VAV2: variants seen among roughly 807,000 people sequenced by gnomAD.
VAV2 encodes the protein vav guanine nucleotide exchange factor 2.
VAV2 carries 67 observed loss-of-function variants against 132.5 expected under a neutral mutation model. That is an observed-to-expected ratio of 0.51 (90% CI 0.42 to 0.62). The LOEUF is 0.62. Ranked by LOEUF, VAV2 falls within the 20% of genes least tolerant of loss-of-function variation. The pLI, the probability that VAV2 is intolerant of heterozygous loss-of-function variation, is 0.00. For missense variants in VAV2, 938 were observed against 1,153.6 expected, an observed-to-expected ratio of 0.81 and a Z score of 2.71; for synonymous variants, 492 against 443.5, an observed-to-expected ratio of 1.11 and a Z score of -1.37.
chr9:133,971,219 G>A (rs905949134), intron 1 of VAV2, among the ~76,000 whole-genome samples: 1 of 152,194 alleles, frequency 6.6e-6, no homozygotes, highest in Admixed American at 6.5e-5. Context: ...AACTGCTGCT[G>A]TGAGGCCTGT....
chr9:133,904,786 C>T (rs879682464), intron 2 of VAV2, among the ~76,000 whole-genome samples: 1 of 152,372 alleles, frequency 6.6e-6, no homozygotes, highest in East Asian at 1.9e-4. Context: ...GCTCACCTCC[C>T]CAAGAAGGCC....
intron 3 of VAV2, among the ~76,000 whole-genome samples, chr9:133,851,753 T>C (rs1588268410): frequency 1.1e-5 from 1 of 94,214 alleles, no homozygotes; most frequent in Admixed American, 8.7e-5. Context: ...GATGGGTATA[T>C]TGGGTGGATG....
intron 25 of VAV2, among the ~76,000 whole-genome samples, chr9:133,772,891 C>T (rs1208837812): frequency 6.7e-6 from 1 of 150,284 alleles, no homozygotes; most frequent in Non-Finnish European, 1.5e-5. Context: ...GCCTACTGCA[C>T]ACCCCACATG....
At chr9:133,818,494 C>A (rs555454923) in intron 4 of VAV2, among the ~76,000 whole-genome samples, 2 of 152,314 alleles carry the variant, frequency 1.3e-5, no homozygotes, top group East Asian at 3.9e-4. Flanking sequence ...CACACCAGCA[C>A]CTGCCCATCC....
At chr9:133,848,228 C>A (rs531116522) in intron 3 of VAV2, among the ~76,000 whole-genome samples, 3 of 139,956 alleles carry the variant, frequency 2.1e-5, no homozygotes, top group African/African-American at 7.9e-5. Context: ...TGCAGTGAGC[C>A]GAGATCGCGC....
intron 1 of VAV2, among the ~76,000 whole-genome samples, chr9:133,954,383 C>T (rs540682446): frequency 3.9e-5 from 6 of 152,246 alleles, no homozygotes; most frequent in South Asian, 2.1e-4. Flanking sequence ...AGCAAGTGCG[C>T]GTGAGACGCC....
intron 1 of VAV2, among the ~76,000 whole-genome samples, chr9:133,984,685 G>T (rs1842796094): frequency 6.6e-6 from 1 of 152,006 alleles, no homozygotes; most frequent in Non-Finnish European, 1.5e-5. Flanking sequence ...GAGCAGTAAT[G>T]CCCCTGTTGA....
intron 9 of VAV2, among the ~76,000 whole-genome samples, chr9:133,800,160 C>T (rs944508648): frequency 6.6e-6 from 1 of 152,218 alleles, no homozygotes; most frequent in African/African-American, 2.4e-5. Context: ...TAGGGCTGCA[C>T]TGCTCTGCCT....
chr9:133,983,131 C>T (rs573198720), intron 1 of VAV2, among the ~76,000 whole-genome samples: 16 of 152,326 alleles, frequency 1.1e-4, no homozygotes, highest in Admixed American at 5.2e-4. Flanking sequence ...CGGGTCTGGG[C>T]ATCTGCATAA....
chr9:133,827,197 CTGAGCAT>C lies in VAV2; in HGVS notation c.449+7068_449+7074del, dbSNP rs1343157495. ...CCGCTGCGCCCACTGGGGCTGACCA[CTGAGCAT>C]GGGCATCGCCAGCTACTGCTGTGCC... On this transcript the variant is annotated intron_variant, in intron 4 of 29. Coordinates refer to ENST00000371850, the MANE Select transcript of VAV2 (RefSeq NM_001134398.2). Among the ~76,000 whole-genome samples the C allele has an allele frequency of 4.2e-3, 624 of 149,832 alleles. 5 individuals are homozygous for C. Among genetic ancestry groups the C allele is most frequent in the Middle Eastern group, 7.0e-3 (2 of 286 alleles).
At chr9:133,973,322 C>T (rs1334001107) in intron 1 of VAV2, among the ~76,000 whole-genome samples, 4 of 152,178 alleles carry the variant, frequency 2.6e-5, no homozygotes, top group African/African-American at 7.2e-5. Context: ...CCGCGAAACT[C>T]GGAGTTCAGA....
intron 3 of VAV2, among the ~76,000 whole-genome samples, chr9:133,836,752 A>C (rs1836487609): frequency 6.6e-6 from 1 of 152,214 alleles, no homozygotes; most frequent in South Asian, 2.1e-4. Context: ...CGGGGACTGT[A>C]CTTCTAGAAC....
chr9:133,932,529 G>A (rs941304155), intron 2 of VAV2, among the ~76,000 whole-genome samples: 36 of 152,214 alleles, frequency 2.4e-4, no homozygotes, highest in African/African-American at 7.7e-4. Flanking sequence ...GAACTTGCGG[G>A]GTGAGTGAAG....
intron 9 of VAV2, among the ~76,000 whole-genome samples, chr9:133,803,055 C>T (rs1360194363): frequency 6.6e-6 from 1 of 152,120 alleles, no homozygotes; most frequent in African/African-American, 2.4e-5. Context: ...CCCTGCAGGC[C>T]GTACCCTGGA....
At chr9:133,938,062 G>A (rs1203984943) in intron 2 of VAV2, among the ~76,000 whole-genome samples, 2 of 152,200 alleles carry the variant, frequency 1.3e-5, no homozygotes. Flanking sequence ...CTCAGCATGC[G>A]CCACTGCAAA....
In VAV2 at chr9:133,768,548, G is replaced by T; in HGVS notation, c.2483C>A (p.Ala828Asp). 1 of 1,614,004 alleles carries T rather than the reference G, an allele frequency of 6.2e-7. No individual in the cohort carries two copies. The highest frequency in any genetic ancestry group is 8.5e-7 in the Non-Finnish European group (1 of 1,179,986). Reference sequence around the variant, plus strand: ...CGAAAGCTCCCTCATATCTCGGGCGGCAAAGTTATACCTGGCCACAGCTGT... The same window carrying T: ...CGAAAGCTCCCTCATATCTCGGGCGTCAAAGTTATACCTGGCCACAGCTGT... ...IGTAVARYNF[A>D]ARDMRELSLR... Residue 828 changes from alanine to aspartate, a missense_variant, in exon 29 of 30, where the codon GCC (alanine) becomes GAC (aspartate). Physicochemically the swap from Ala to Asp is moderately radical, Grantham distance 126 (BLOSUM62 -2). Transcript: ENST00000371850. This position sits in a 1 kb window ranked among gnomAD's most constrained non-coding sequence, Gnocchi z 5.3.
In VAV2 at chr9:133,926,669, C is replaced by T. The variant is rs916824669; in HGVS notation, c.321+12434G>A. On this transcript the variant is annotated intron_variant, in intron 2 of 29. Coordinates refer to ENST00000371850, the MANE Select transcript of VAV2 (RefSeq NM_001134398.2). This position sits in a 1 kb window ranked among gnomAD's most constrained non-coding sequence, Gnocchi z 4.3. The stretch of plus-strand genomic sequence containing the variant: ...TCACCTGGTGAACTGCAGCTCACAT[C>T]TCGAACCCCAGCACCTCCTCCAGGA... 6.6e-6 allele frequency among the ~76,000 whole-genome samples: 1 copy of T among 152,168 alleles called. No homozygotes were observed. Among genetic ancestry groups the T allele is most frequent in the Admixed American group, 6.5e-5 (1 of 15,288 alleles).
chr9:133,874,697 C>T (rs968208386), intron 2 of VAV2, among the ~76,000 whole-genome samples: 14 of 152,192 alleles, frequency 9.2e-5, no homozygotes, highest in Non-Finnish European at 2.1e-4. Flanking sequence ...CTCCAAGAAC[C>T]TCCTGCGCTG....
At chr9:133,955,477 A>C (rs1402703732) in intron 1 of VAV2, among the ~76,000 whole-genome samples, 4 of 58,830 alleles carry the variant, frequency 6.8e-5, no homozygotes, top group Admixed American at 2.2e-4. Flanking sequence ...ATGCTGCCCC[A>C]ACTCTCCCCA....
Sources: allele counts gnomAD v4.1 joint callset (sites outside exome capture counted in the v4.1 genomes callset), GRCh38; gene constraint gnomAD v4.1.1; non-coding constraint Gnocchi (gnomAD v3.1); transcripts MANE v1.5; gene names NCBI Gene and HGNC (gene_info 2026-07-23, HGNC 2026-07-21).